The following SERPINB1 variants were observed in gnomAD, a reference collection of about 807,000 sequenced individuals.
The protein encoded by SERPINB1 is leukocyte elastase inhibitor.
A neutral mutation model predicts 25.9 loss-of-function variants in SERPINB1; 23 were observed. The ratio of observed to expected loss-of-function variants is 0.89; its 90% CI spans 0.64 to 1.26. The LOEUF is 1.26. SERPINB1 is among the 50% of genes most tolerant of loss of function. The probability of loss-of-function intolerance (pLI) is 0.00; values close to 1 mark genes in which losing one functional copy is unlikely to be tolerated. For synonymous variants in SERPINB1, 178 were observed against 178.7 expected, an observed-to-expected ratio of 1.00 and a Z score of 0.03; for missense variants, 399 against 463.6, an observed-to-expected ratio of 0.86 and a Z score of 1.28.
chr6:2,838,164 T>A (rs1057378812), intron 3 of SERPINB1, among the ~76,000 whole-genome samples, 165 bp from the exon 4 acceptor site: 2 of 152,214 alleles, frequency 1.3e-5, no homozygotes, highest in Non-Finnish European at 2.9e-5. Context: ...AAAAATCATT[T>A]AACATTAAAT....
chr6:2,839,598 A>T (rs1766588720), intron 2 of SERPINB1: 2 of 564,246 alleles, frequency 3.5e-6, no homozygotes, highest in Non-Finnish European at 4.5e-6. Context: ...CTTGAATCCC[A>T]GGCTGCACCT....
Position 2,837,929 on chromosome 6 carries a change from T to A in SERPINB1, c.377A>T (p.Glu126Val). The change falls in exon 4 of 7, where the codon GAA becomes GTA. Residue 126 changes from glutamate to valine, a missense_variant. Physicochemically the swap from Glu to Val is moderately radical, Grantham distance 121. Transcript: ENST00000380739. The surrounding 1 kb of genome is among the most constrained non-coding windows in gnomAD (Gnocchi z 4.3). ...LASVDFQHASEDARKTINQWV... is the reference protein window; with the variant it reads ...LASVDFQHASVDARKTINQWV... ...CTGGTTTATGGTCTTCCTTGCATCT[T>A]CAGAGGCATGCTGAAAATCCACACT... 6.2e-7 allele frequency: 1 copy of A among 1,614,150 alleles called. No individual in the cohort carries two copies. Among genetic ancestry groups the A allele is most frequent in the South Asian group, 1.1e-5 (1 of 91,088 alleles).
At chr6:2,835,500 C>T (rs929022120) in intron 6 of SERPINB1, among the ~76,000 whole-genome samples, 1 of 152,084 alleles carries the variant, frequency 6.6e-6, no homozygotes, top group Admixed American at 6.6e-5. Context: ...TTAATGACCC[C>T]ATCACAAGTG....
In SERPINB1 at chr6:2,838,872, C is replaced by T. The variant is rs72846642; in HGVS notation, c.169-186G>A. Among the ~76,000 whole-genome samples the T allele has an allele frequency of 4.8e-3, 732 of 152,280 alleles. 3 individuals are homozygous for T. The highest frequency in any genetic ancestry group is 0.044 in the Middle Eastern group (13 of 294). On this transcript the variant is annotated intron_variant, in intron 2 of 6. Transcript: ENST00000380739. ...ATAGGAAATCCAAAATTTATGGCTT[C>T]GTGAGACAGAATGTTTACAACTTTA...
Position 2,840,404 on chromosome 6 carries a change from T to A in SERPINB1, c.168+15A>T. 1 of 1,613,706 alleles carries A rather than the reference T, an allele frequency of 6.2e-7. No individual in the cohort carries two copies. Among genetic ancestry groups the A allele is most frequent in the African/African-American group, 1.3e-5 (1 of 75,014 alleles). ...GATGGGAGGAAAGCAGACCCTTTTT[T>A]TTGTTTCTGCTGACCTTGGACAGCT... On this transcript the variant is annotated intron_variant, in intron 2 of 6. Transcript: ENST00000380739.
rs567693344 is a variant in SERPINB1, at chr6:2,833,626, C to A, written c.1122G>T (p.Gly374=). The A allele has an allele frequency of 6.2e-7, 1 of 1,607,744 alleles. No individual in the cohort carries two copies. The change falls in exon 7 of 7, where the codon GGG becomes GGT. Residue 374 remains glycine (G), a synonymous_variant. Coordinates refer to ENST00000380739, the MANE Select transcript of SERPINB1 (RefSeq NM_030666.4). ...HNSSGSILFL[G]RFSSP is the part of the protein sequence containing the mutation. The stretch of plus-strand genomic sequence containing the variant: ...CTTTCTTCTAAGGGGAAGAAAATCT[C>A]CCCAAGAATAGGATGCTACCTGAGG...
chr6:2,836,109 T>C lies in SERPINB1; in HGVS notation c.566A>G (p.Lys189Arg), dbSNP rs911681377. 1 of 1,614,064 alleles carries C rather than the reference T, an allele frequency of 6.2e-7. No homozygotes were observed. Among genetic ancestry groups the C allele is most frequent in the Admixed American group, 1.7e-5 (1 of 59,988 alleles). The change falls in exon 5 of 7, where the codon AAG becomes AGG. Residue 189 changes from lysine (K) to arginine (R), a missense_variant and splice_region_variant. Lys to Arg is a conservative substitution (Grantham distance 26, BLOSUM62 2). Coordinates refer to ENST00000380739, the MANE Select transcript of SERPINB1 (RefSeq NM_030666.4). ...CTCTGTACAGTTACCTCACCTCACCTTATTCAATCTGAATGGTGCATTCGT... is the reference window on the plus strand; with the variant it reads ...CTCTGTACAGTTACCTCACCTCACCCTATTCAATCTGAATGGTGCATTCGT... ...ATTNAPFRLN[K>R]KDRKTVKMMY... is the part of the protein sequence containing the mutation.
At position 2,838,567 on chromosome 6, in the gene SERPINB1, T is replaced by C. The variant is rs769826985; in HGVS notation, c.288A>G (p.Lys96=). The change falls in exon 3 of 7, where the codon AAA becomes AAG. Residue 96 remains lysine (K), a synonymous_variant. Coordinates refer to ENST00000380739, the MANE Select transcript of SERPINB1 (RefSeq NM_030666.4). ...LKLANRLYGE[K]TYNFLPEFLV... is the part of the protein sequence containing the mutation. The stretch of plus-strand genomic sequence containing the variant: ...TACTTACAGGAAGGAAATTGTAAGT[T>C]TTCTCTCCATATAATCTATTAGCAA... The C allele has an allele frequency of 1.2e-6, 2 of 1,600,764 alleles. No individual in the cohort carries two copies. The highest frequency in any genetic ancestry group is 1.7e-6 in the Non-Finnish European group (2 of 1,174,280).
chr6:2,834,862 T>C (rs1285064376), intron 6 of SERPINB1, among the ~76,000 whole-genome samples: 3 of 152,242 alleles, frequency 2.0e-5, no homozygotes, highest in African/African-American at 7.2e-5. Context: ...AAATGATGTA[T>C]ATAAAGTGCT....
Position 2,833,437 on chromosome 6 carries a change from G to A in SERPINB1, c.*171C>T. On this transcript the variant is annotated 3_prime_UTR_variant, in exon 7 of 7. Coordinates refer to ENST00000380739, the MANE Select transcript of SERPINB1 (RefSeq NM_030666.4). Reference sequence around the variant, plus strand: ...GTAAAAAAGAAAAATAGATACCCATGCCAAAATTCATGGGTGTAAACAGCC... The same window carrying A: ...GTAAAAAAGAAAAATAGATACCCATACCAAAATTCATGGGTGTAAACAGCC... 1 of 563,588 alleles carries A rather than the reference G, an allele frequency of 1.8e-6. No homozygotes were observed. Among genetic ancestry groups the A allele is most frequent in the South Asian group, 3.7e-5 (1 of 26,930 alleles). 34.9% of individuals were successfully genotyped at this position (563,588 alleles called of 1,614,324 possible).
chr6:2,833,650 G>C lies in SERPINB1; in HGVS notation c.1098C>G (p.Ser366=). The change falls in exon 7 of 7, where the codon TCC becomes TCG. Residue 366 remains serine, a synonymous_variant. Transcript: ENST00000380739. ...TCCCCAAGAATAGGATGCTACCTGAGGAATTATGCCGAATAAAGAAAAGGA... is the reference window on the plus strand; with the variant it reads ...TCCCCAAGAATAGGATGCTACCTGACGAATTATGCCGAATAAAGAAAAGGA... The part of the protein sequence containing the change: ...HPFLFFIRHN[S]SGSILFLGRF... The C allele has an allele frequency of 6.2e-7, 1 of 1,613,910 alleles. No individual in the cohort carries two copies. Among genetic ancestry groups the C allele is most frequent in the Non-Finnish European group, 8.5e-7 (1 of 1,179,818 alleles).
chr6:2,840,517 G>A lies in SERPINB1; in HGVS notation c.70C>T (p.Pro24Ser). 1 of 1,614,184 alleles carries A rather than the reference G, an allele frequency of 6.2e-7. No individual in the cohort carries two copies. Among genetic ancestry groups the A allele is most frequent in the Non-Finnish European group, 8.5e-7 (1 of 1,180,036 alleles). ...DLFLALSENN[P>S]AGNIFISPFS... ...GGAGAGATGAAGATGTTTCCAGCCG[G>A]ATTGTTCTCACTCAACGCCAGGAAC... The change falls in exon 2 of 7, where the codon CCG (proline) becomes TCG (serine). Residue 24 changes from proline (P) to serine (S), a missense_variant. Physicochemically the swap from Pro to Ser is moderately conservative, Grantham distance 74. Coordinates refer to ENST00000380739, the MANE Select transcript of SERPINB1 (RefSeq NM_030666.4).
chr6:2,837,892 T>C lies in SERPINB1; in HGVS notation c.414A>G (p.Gly138=), dbSNP rs1294170418. The C allele has an allele frequency of 1.2e-6, 2 of 1,612,784 alleles. No individual in the cohort carries two copies. Among genetic ancestry groups the C allele is most frequent in the South Asian group, 2.2e-5 (2 of 91,060 alleles). Residue 138 remains glycine, a synonymous_variant, in exon 4 of 7, where the codon GGA becomes GGG. Coordinates refer to ENST00000380739, the MANE Select transcript of SERPINB1 (RefSeq NM_030666.4). This position sits in a 1 kb window ranked among gnomAD's most constrained non-coding sequence, Gnocchi z 4.3. ...TGCCCAGGCTCTCACCTTCTGTCTG[T>C]CCTTTGACCCACTGGTTTATGGTCT... ...ARKTINQWVK[G]QTEGKIPELL...
intron 2 of SERPINB1, among the ~76,000 whole-genome samples, chr6:2,839,171 T>C (rs1198732898): frequency 6.6e-6 from 1 of 152,214 alleles, no homozygotes; most frequent in African/African-American, 2.4e-5. Flanking sequence ...TCACTTATTT[T>C]AAAATAACTT....
Position 2,836,114 on chromosome 6 carries a change from C to G in SERPINB1, c.561G>C (p.Leu187Phe), listed in dbSNP as rs151068882. 4 of 1,613,854 alleles carry G rather than the reference C, an allele frequency of 2.5e-6. No individual in the cohort carries two copies. The African/African-American group carries it at 5.3e-5, about 22-fold the overall frequency. ...KEATTNAPFRLNKKDRKTVKM... is the reference protein window; with the variant it reads ...KEATTNAPFRFNKKDRKTVKM... ...TACAGTTACCTCACCTCACCTTATT[C>G]AATCTGAATGGTGCATTCGTCGTGG... The change falls in exon 5 of 7, where the codon TTG (leucine) becomes TTC (phenylalanine). Residue 187 changes from leucine to phenylalanine, a missense_variant. Coordinates refer to ENST00000380739, the MANE Select transcript of SERPINB1 (RefSeq NM_030666.4).
intron 2 of SERPINB1, chr6:2,839,500 T>A (rs1364916976): frequency 2.3e-6 from 1 of 435,884 alleles, no homozygotes; most frequent in Non-Finnish European, 2.8e-6. Flanking sequence ...GTAACAGAGG[T>A]TTTTTTTTTT....
In SERPINB1 at chr6:2,840,551, G is replaced by C; in HGVS notation, c.36C>G (p.Ala12=). The change falls in exon 2 of 7, where the codon GCC becomes GCG. Residue 12 remains alanine, a synonymous_variant. Coordinates refer to ENST00000380739, the MANE Select transcript of SERPINB1 (RefSeq NM_030666.4). ...EQLSSANTRF[A]LDLFLALSEN... is the part of the protein sequence containing the mutation. Reference sequence around the variant, plus strand: ...CACTCAACGCCAGGAACAGGTCCAAGGCGAAGCGGGTGTTTGCTGAGCTCA... The same window carrying C: ...CACTCAACGCCAGGAACAGGTCCAACGCGAAGCGGGTGTTTGCTGAGCTCA... 1 of 1,614,044 alleles carries C rather than the reference G, an allele frequency of 6.2e-7. No individual in the cohort carries two copies. The highest frequency in any genetic ancestry group is 8.5e-7 in the Non-Finnish European group (1 of 1,179,992).
At chr6:2,839,243 C>G (rs567483480) in intron 2 of SERPINB1, 1 of 812,482 alleles carries the variant, frequency 1.2e-6, no homozygotes, top group Non-Finnish European at 1.5e-6. Flanking sequence ...AATCAAGAGG[C>G]CCTTTGTGGT....
At chr6:2,840,933 C>A (rs1296097724) in intron 1 of SERPINB1, among the ~76,000 whole-genome samples, 1 of 152,126 alleles carries the variant, frequency 6.6e-6, no homozygotes, top group East Asian at 1.9e-4. Flanking sequence ...AGGGCCCACC[C>A]AGCCCTGGGT....
Sources: gnomAD v4.1 joint callset for allele counts (sites outside exome capture counted in the v4.1 genomes callset) on GRCh38, gnomAD v4.1.1 for gene constraint, Gnocchi (gnomAD v3.1) non-coding constraint, MANE v1.5 for transcripts, NCBI Gene and HGNC (gene_info 2026-07-23, HGNC 2026-07-21) for gene names.